NXPE2: variants seen among roughly 807,000 people sequenced by gnomAD.
NXPE2 encodes NXPE family member 2.
NXPE2 carries 34 observed loss-of-function variants against 34.4 expected under a neutral mutation model. The observed-to-expected ratio is 0.99, with a 90% CI of 0.75 to 1.31. The LOEUF (loss-of-function observed/expected upper bound fraction) is 1.31. Ranked by LOEUF, NXPE2 falls within the 40% of genes most tolerant of loss-of-function variation. NXPE2 has a pLI of 0.00. For missense variants in NXPE2, 649 were observed against 672.5 expected, an observed-to-expected ratio of 0.97 and a Z score of 0.39; for synonymous variants, 235 against 231.3, an observed-to-expected ratio of 1.02 and a Z score of -0.15.
chr11:114,759,062 G>A, the NXPE2 span, among the ~76,000 whole-genome samples: 3 of 151,808 alleles, frequency 2.0e-5, no homozygotes, highest in African/African-American at 7.3e-5. Flanking sequence ...ACACACACGT[G>A]CGCAAACACA....
chr11:114,633,162 A>G, the NXPE2 span, among the ~76,000 whole-genome samples: 51 of 127,014 alleles, frequency 4.0e-4, no homozygotes, highest in African/African-American at 1.6e-3. Context: ...TTGGTATTTT[A>G]TTTTATATAA....
At chr11:114,475,226 G>GTTTTTTTTTTTTTTTTTT in the NXPE2 span, among the ~76,000 whole-genome samples, 11 of 88,056 alleles carry the variant, frequency 1.2e-4, 2 homozygotes, top group African/African-American at 2.1e-4. Flanking sequence ...AATGTGAACT[G>GTTTTTTTTTTTTTTTTTT]TTTTTTTTTT....
chr11:114,492,846 A>C, the NXPE2 span, among the ~76,000 whole-genome samples: 3 of 152,162 alleles, frequency 2.0e-5, no homozygotes, highest in East Asian at 5.8e-4. Flanking sequence ...GCCTAAGTCC[A>C]ATGTTTCTTT....
chr11:114,766,150 C>T, the NXPE2 span, among the ~76,000 whole-genome samples: 1 of 152,078 alleles, frequency 6.6e-6, no homozygotes, highest in Non-Finnish European at 1.5e-5. Context: ...TATTCCAAGG[C>T]TCTATGATTT....
At chr11:114,576,187 T>C in the NXPE2 span, among the ~76,000 whole-genome samples, 12 of 152,238 alleles carry the variant, frequency 7.9e-5, no homozygotes, top group East Asian at 1.9e-4. Flanking sequence ...TCTTACCTTA[T>C]ACAAAAATCA....
At chr11:114,653,894 G>C in the NXPE2 span, among the ~76,000 whole-genome samples, 1 of 152,050 alleles carries the variant, frequency 6.6e-6, no homozygotes, top group South Asian at 2.1e-4. Context: ...GCAAGGAGCA[G>C]CAATCTACAT....
At chr11:114,722,420 T>G in the NXPE2 span, among the ~76,000 whole-genome samples, 7 of 152,152 alleles carry the variant, frequency 4.6e-5, no homozygotes, top group Admixed American at 4.6e-4. Flanking sequence ...AACCTCTTTT[T>G]TTTTTTTAAA....
At chr11:114,535,990 C>A in the NXPE2 span, among the ~76,000 whole-genome samples, 1 of 152,176 alleles carries the variant, frequency 6.6e-6, no homozygotes, top group African/African-American at 2.4e-5. Flanking sequence ...TTCTTTTCAG[C>A]ACCACACCAA....
the NXPE2 span, among the ~76,000 whole-genome samples, chr11:114,557,967 TC>T: frequency 3.1e-4 from 47 of 152,160 alleles, 1 homozygote; most frequent in African/African-American, 8.7e-4. Flanking sequence ...TACCTCATTT[TC>T]CTTCTATTTC....
chr11:114,512,009 A>G, the NXPE2 span, among the ~76,000 whole-genome samples: 1 of 152,282 alleles, frequency 6.6e-6, no homozygotes, highest in South Asian at 2.1e-4. Context: ...GCAATGCAAA[A>G]CAAACTTATA....
chr11:114,661,502 T>C, the NXPE2 span, among the ~76,000 whole-genome samples: 3 of 152,202 alleles, frequency 2.0e-5, no homozygotes, highest in Non-Finnish European at 4.4e-5. Context: ...TGTCATCATA[T>C]TGCAACTGAT....
the NXPE2 span, among the ~76,000 whole-genome samples, chr11:114,637,423 C>G: frequency 1.3e-4 from 20 of 152,014 alleles, no homozygotes; most frequent in Non-Finnish European, 2.6e-4. Context: ...ATCCAATTTG[C>G]CAGTCTGTGT....
At chr11:114,486,972 A>ATTCTGGG in the NXPE2 span, among the ~76,000 whole-genome samples, 1 of 151,926 alleles carries the variant, frequency 6.6e-6, no homozygotes, top group East Asian at 1.9e-4. Flanking sequence ...TAGCTTTGCT[A>ATTCTGGG]TTCTGGGTCT....
chr11:114,621,264 C>A, the NXPE2 span, among the ~76,000 whole-genome samples: 1 of 152,076 alleles, frequency 6.6e-6, no homozygotes, highest in Admixed American at 6.5e-5. Context: ...CGTGTTGCCT[C>A]ATGGGTAACC....
chr11:114,735,735 C>T, the NXPE2 span, among the ~76,000 whole-genome samples: 2 of 152,066 alleles, frequency 1.3e-5, no homozygotes, highest in African/African-American at 4.8e-5. Context: ...AGGAAAGTAG[C>T]CATAGCACCC....
chr11:114,759,922 G>A, the NXPE2 span, among the ~76,000 whole-genome samples: 15 of 152,128 alleles, frequency 9.9e-5, no homozygotes, highest in Non-Finnish European at 1.8e-4. Context: ...ATTTTTCTAA[G>A]GGTCACTGCT....
chr11:114,708,155 G>A (rs1951503876), downstream of NXPE2, among the ~76,000 whole-genome samples: 1 of 152,184 alleles, frequency 6.6e-6, no homozygotes, highest in Admixed American at 6.5e-5. Flanking sequence ...GGAAAACTTA[G>A]TGGGATCATA....
At chr11:114,621,327 G>T in the NXPE2 span, among the ~76,000 whole-genome samples, 3 of 151,712 alleles carry the variant, frequency 2.0e-5, no homozygotes, top group South Asian at 4.2e-4. Context: ...ACTGTTACCC[G>T]CTGGATAATA....
chr11:114,720,611 C>A, the NXPE2 span, among the ~76,000 whole-genome samples: 1 of 128,768 alleles, frequency 7.8e-6, no homozygotes, highest in African/African-American at 2.7e-5. Context: ...GTAAAGTGAT[C>A]ACCAGATTTC....
Sources: gnomAD v4.1 joint callset for allele counts (sites outside exome capture counted in the v4.1 genomes callset) on GRCh38, gnomAD v4.1.1 for gene constraint, MANE v1.5 for transcripts, NCBI Gene and HGNC (gene_info 2026-07-23, HGNC 2026-07-21) for gene names.